The following TECRL variants were observed in gnomAD, a reference collection of about 807,000 sequenced individuals.
TECRL encodes the protein trans-2,3-enoyl-CoA reductase like.
TECRL carries 63 observed loss-of-function variants against 52.8 expected under a neutral mutation model. The ratio of observed to expected loss-of-function variants is 1.19; its 90% CI spans 0.97 to 1.47. The LOEUF (loss-of-function observed/expected upper bound fraction) is 1.47, where lower values mean the gene tolerates loss of function less well. Ranked by LOEUF, TECRL falls within the 40% of genes most tolerant of loss-of-function variation. The pLI is 0.00. For synonymous variants in TECRL, 164 were observed against 141.9 expected, an observed-to-expected ratio of 1.16 and a Z score of -1.10; for missense variants, 482 against 429.6, an observed-to-expected ratio of 1.12 and a Z score of -1.08.
intron 1 of TECRL, among the ~76,000 whole-genome samples, chr4:64,403,316 T>C (rs1231714429): frequency 6.6e-6 from 1 of 151,884 alleles, no homozygotes; most frequent in African/African-American, 2.4e-5. Context: ...GCCAAAGGTC[T>C]AATGGTTAAC....
At chr4:64,282,119 G>T (rs17084620) in intron 9 of TECRL, among the ~76,000 whole-genome samples, 1 of 151,764 alleles carries the variant, frequency 6.6e-6, no homozygotes, top group Admixed American at 6.6e-5. Context: ...GAGATACCAC[G>T]TTTCTGTTCA....
intron 4 of TECRL, among the ~76,000 whole-genome samples, chr4:64,319,937 T>C (rs565169610): frequency 2.0e-5 from 3 of 152,018 alleles, no homozygotes; most frequent in East Asian, 3.9e-4. Context: ...TACTCCAGGA[T>C]AGGAAAAAGT....
chr4:64,401,066 A>G (rs529461311), intron 1 of TECRL, among the ~76,000 whole-genome samples: 1 of 152,296 alleles, frequency 6.6e-6, no homozygotes, highest in African/African-American at 2.4e-5. Flanking sequence ...GCAGTCTTGA[A>G]CAAGCTCACA....
intron 1 of TECRL, among the ~76,000 whole-genome samples, chr4:64,399,814 A>T (rs2109776099): frequency 6.6e-6 from 1 of 152,264 alleles, no homozygotes; most frequent in East Asian, 1.9e-4. Context: ...GTGTCCAAGC[A>T]AAAGCCTGAT....
At chr4:64,397,310 G>A (rs910004102) in intron 1 of TECRL, among the ~76,000 whole-genome samples, 6 of 151,774 alleles carry the variant, frequency 4.0e-5, no homozygotes, top group African/African-American at 1.5e-4. Flanking sequence ...ATTACCACTG[G>A]ATATATAAGT....
At chr4:64,354,333 G>A (rs888449407) in intron 2 of TECRL, among the ~76,000 whole-genome samples, 4 of 152,164 alleles carry the variant, frequency 2.6e-5, no homozygotes, top group African/African-American at 7.2e-5. Flanking sequence ...ATCATGTACA[G>A]AATAATTTGC....
intron 1 of TECRL, among the ~76,000 whole-genome samples, chr4:64,384,280 C>T (rs994775353): frequency 6.6e-6 from 1 of 152,014 alleles, no homozygotes; most frequent in Non-Finnish European, 1.5e-5. Flanking sequence ...AGGCCTCTTG[C>T]TTTGGGGTGT....
intron 2 of TECRL, among the ~76,000 whole-genome samples, chr4:64,353,507 G>T (rs1275076814): frequency 6.6e-6 from 1 of 152,082 alleles, no homozygotes; most frequent in Non-Finnish European, 1.5e-5. Flanking sequence ...GTGGATAATT[G>T]GATATAGAAT....
chr4:64,376,699 T>C (rs1347248994), intron 1 of TECRL, among the ~76,000 whole-genome samples: 2 of 151,954 alleles, frequency 1.3e-5, no homozygotes, highest in Admixed American at 6.6e-5. Context: ...CATGTAATTT[T>C]AAATAAAAAA....
intron 1 of TECRL, among the ~76,000 whole-genome samples, chr4:64,399,015 G>A (rs1318599952): frequency 2.0e-5 from 3 of 152,134 alleles, no homozygotes; most frequent in Non-Finnish European, 2.9e-5. Context: ...TGATGCAAGC[G>A]TGTGTAGCCT....
chr4:64,374,588 T>A (rs1043547658), intron 2 of TECRL, among the ~76,000 whole-genome samples: 1,457 of 140,448 alleles, frequency 0.01, 25 homozygotes, highest in African/African-American at 0.036. Flanking sequence ...CAGGCCCCGG[T>A]GTGTGATGTT....
At chr4:64,407,524 A>T (rs1302986499) in intron 1 of TECRL, among the ~76,000 whole-genome samples, 1 of 151,624 alleles carries the variant, frequency 6.6e-6, no homozygotes, top group Non-Finnish European at 1.5e-5. Flanking sequence ...TAAGTAAAAG[A>T]ACATTTAAAC....
At chr4:64,336,161 A>G (rs1719067452) in intron 2 of TECRL, among the ~76,000 whole-genome samples, 1 of 152,108 alleles carries the variant, frequency 6.6e-6, no homozygotes, top group Admixed American at 6.5e-5. Flanking sequence ...TTTGGTTGGT[A>G]AGCTGTTAAT....
intron 1 of TECRL, among the ~76,000 whole-genome samples, chr4:64,377,581 T>C (rs1051698912): frequency 6.6e-6 from 1 of 152,054 alleles, no homozygotes; most frequent in African/African-American, 2.4e-5. Context: ...TTAATGTTTC[T>C]TCCTCTTAAA....
At chr4:64,296,353 T>C (rs73228564) in intron 8 of TECRL, among the ~76,000 whole-genome samples, 2,191 of 151,952 alleles carry the variant, frequency 0.014, 65 homozygotes, top group African/African-American at 0.049. Flanking sequence ...AAAAGAGGTA[T>C]ACCTACTTGA....
intron 8 of TECRL, among the ~76,000 whole-genome samples, chr4:64,296,227 T>C (rs900418380): frequency 1.3e-5 from 2 of 151,902 alleles, no homozygotes; most frequent in Non-Finnish European, 2.9e-5. Context: ...TTCTGTGGTT[T>C]ATATAGTAGG....
At chr4:64,324,095 A>G (rs1467460912) in intron 3 of TECRL, among the ~76,000 whole-genome samples, 2 of 152,154 alleles carry the variant, frequency 1.3e-5, no homozygotes. Flanking sequence ...ACAAAGATAT[A>G]ACAAAGGTTA....
At chr4:64,281,403 TA>T in intron 10 of TECRL, 70 bp downstream of exon 10, 1 of 904,158 alleles carries the variant, frequency 1.1e-6, no homozygotes, top group Non-Finnish European at 1.7e-6. Context: ...ATAATACATG[TA>T]AATACATAAG....
At chr4:64,334,765 C>T (rs1718923041) in intron 2 of TECRL, among the ~76,000 whole-genome samples, 1 of 152,148 alleles carries the variant, frequency 6.6e-6, no homozygotes, top group South Asian at 2.1e-4. Context: ...ATGCATAAAG[C>T]AACAAGCTGG....
Sources: gnomAD v4.1 joint callset for allele counts (sites outside exome capture counted in the v4.1 genomes callset) on GRCh38, gnomAD v4.1.1 for gene constraint, MANE v1.5 for transcripts, NCBI Gene and HGNC (gene_info 2026-07-23, HGNC 2026-07-21) for gene names.